FAF1: variants seen among roughly 807,000 people sequenced by gnomAD.
The protein encoded by FAF1 is Fas associated factor 1.
In FAF1, 25 loss-of-function variants were observed where a neutral mutation model predicts 92.5. The observed-to-expected ratio is 0.27, with a 90% CI of 0.20 to 0.38. The LOEUF is 0.38. Among genes scored for constraint, FAF1 ranks in the 10% least tolerant of loss-of-function variants. The probability of loss-of-function intolerance (pLI) is 1.00; values close to 1 mark genes in which losing one functional copy is unlikely to be tolerated. For synonymous variants in FAF1, 234 were observed against 273.2 expected (o/e 0.86, Z 1.42); for missense variants, 636 against 793.3 (o/e 0.80, Z 2.38).
chr1:50,636,031 TG>T (rs1444915423), intron 8 of FAF1, among the ~76,000 whole-genome samples: 2 of 152,140 alleles, frequency 1.3e-5, no homozygotes, highest in African/African-American at 4.8e-5. Flanking sequence ...AGAAATGGCA[TG>T]GTACAAGAGA....
chr1:50,947,017 A>G (rs574191093), intron 1 of FAF1, among the ~76,000 whole-genome samples: 11 of 152,380 alleles, frequency 7.2e-5, no homozygotes, highest in South Asian at 4.1e-4. Context: ...ATGGAGAACC[A>G]TATCACTATA....
At chr1:50,958,355 C>G in intron 1 of FAF1, among the ~76,000 whole-genome samples, 1 of 152,048 alleles carries the variant, frequency 6.6e-6, no homozygotes, top group Non-Finnish European at 1.5e-5. Flanking sequence ...ACAGCAAACT[C>G]TGAAAATGGT....
intron 7 of FAF1, among the ~76,000 whole-genome samples, chr1:50,677,693 G>A (rs1490556802): frequency 1.3e-5 from 2 of 151,942 alleles, no homozygotes; most frequent in Non-Finnish European, 2.9e-5. Context: ...TCAGGAGTTC[G>A]AGACTAGCCT....
chr1:50,768,748 T>C (rs903187259), intron 4 of FAF1, among the ~76,000 whole-genome samples: 2 of 152,056 alleles, frequency 1.3e-5, no homozygotes, highest in African/African-American at 4.8e-5. Context: ...AGATCAAAGA[T>C]GCAATGTAAC....
Position 50,738,884 on chromosome 1 carries a change from G to A in FAF1, c.530C>T (p.Pro177Leu). The A allele has an allele frequency of 6.2e-7, 1 of 1,607,356 alleles. No individual in the cohort carries two copies. The highest frequency in any genetic ancestry group is 8.5e-7 in the Non-Finnish European group (1 of 1,175,388). Reference protein sequence around the residue: ...LYVLTPDLPPPSSSSHAGALQ... With the variant: ...LYVLTPDLPPLSSSSHAGALQ... ...TTACCCAGCATGACTAGATGATGAA[G>A]GTGGTGGCAAATCTGGTGTAAGGAC... The change falls in exon 6 of 19, where the codon CCT becomes CTT. Residue 177 changes from proline (P) to leucine (L), a missense_variant. Pro to Leu is a moderately conservative substitution (Grantham distance 98). This residue lies in a region of FAF1 where 317 missense variants were observed against 342.4 expected (regional missense o/e 0.93). Transcript: ENST00000396153.
intron 15 of FAF1, among the ~76,000 whole-genome samples, chr1:50,523,705 C>T (rs2149031135): frequency 1.3e-5 from 2 of 152,100 alleles, no homozygotes; most frequent in South Asian, 4.2e-4. Context: ...ATATTTTCTT[C>T]CATTCTGTGG....
chr1:50,804,189 G>A, intron 2 of FAF1, among the ~76,000 whole-genome samples: 1 of 152,110 alleles, frequency 6.6e-6, no homozygotes, highest in South Asian at 2.1e-4. Flanking sequence ...TTCTACGTAG[G>A]ACCAAGTATA....
At chr1:50,955,277 A>C (rs1645256417) in intron 1 of FAF1, among the ~76,000 whole-genome samples, 1 of 152,222 alleles carries the variant, frequency 6.6e-6, no homozygotes, top group African/African-American at 2.4e-5. Flanking sequence ...CTTTGTTACA[A>C]AACCATTAAA....
chr1:50,636,834 TTTAAG>T (rs1654036343), intron 8 of FAF1, among the ~76,000 whole-genome samples: 1 of 152,142 alleles, frequency 6.6e-6, no homozygotes, highest in Non-Finnish European at 1.5e-5. Flanking sequence ...AGCTTTTGCA[TTTAAG>T]TCATCTCTGA....
chr1:50,538,061 G>T (rs1648575065), intron 14 of FAF1, among the ~76,000 whole-genome samples: 2 of 151,568 alleles, frequency 1.3e-5, no homozygotes, highest in Non-Finnish European at 2.9e-5. Flanking sequence ...TTGGTTCACT[G>T]AGTTATGCAT....
intron 9 of FAF1, among the ~76,000 whole-genome samples, chr1:50,591,664 C>T (rs1036112366): frequency 8.4e-6 from 1 of 119,036 alleles, no homozygotes; most frequent in Non-Finnish European, 1.7e-5. Context: ...CAGAGCGAGA[C>T]TCCATCTCAG....
intron 1 of FAF1, among the ~76,000 whole-genome samples, chr1:50,945,625 C>T (rs1398321335): frequency 2.0e-5 from 3 of 152,076 alleles, no homozygotes; most frequent in Non-Finnish European, 4.4e-5. Context: ...GAAGACAGGC[C>T]CTTACTAAGG....
At chr1:50,462,653 T>C (rs377699071) in intron 18 of FAF1, among the ~76,000 whole-genome samples, 3 of 152,150 alleles carry the variant, frequency 2.0e-5, no homozygotes, top group Non-Finnish European at 4.4e-5. Context: ...TGGGGCAAAT[T>C]TGCATTGAAC....
At chr1:50,819,740 C>CGTAT (rs3062921) in intron 2 of FAF1, among the ~76,000 whole-genome samples, 10 of 28,012 alleles carry the variant, frequency 3.6e-4, no homozygotes, top group African/African-American at 8.5e-4. Flanking sequence ...CATATATATA[C>CGTAT]ATATATATAT....
At chr1:50,824,589 G>A (rs977894751) in intron 2 of FAF1, among the ~76,000 whole-genome samples, 1 of 152,104 alleles carries the variant, frequency 6.6e-6, no homozygotes, top group Non-Finnish European at 1.5e-5. Flanking sequence ...CAGATTTACT[G>A]TATGATGTAG....
chr1:50,786,553 G>T (rs1343007101), intron 4 of FAF1, among the ~76,000 whole-genome samples: 1 of 152,242 alleles, frequency 6.6e-6, no homozygotes, highest in South Asian at 2.1e-4. Context: ...GAAATATATT[G>T]ACAGGCTAAA....
intron 18 of FAF1, among the ~76,000 whole-genome samples, chr1:50,448,430 G>A (rs572107565): frequency 6.6e-6 from 1 of 152,122 alleles, no homozygotes; most frequent in Non-Finnish European, 1.5e-5. Flanking sequence ...TATAACTCTT[G>A]TTGGGGGAAG....
intron 1 of FAF1, among the ~76,000 whole-genome samples, chr1:50,909,756 T>G (rs1644869435): frequency 6.6e-6 from 1 of 152,226 alleles, no homozygotes; most frequent in Admixed American, 6.5e-5. Context: ...CTACGCTGTT[T>G]ATTCTGGTTA....
At chr1:50,646,156 T>C (rs548347247) in intron 8 of FAF1, among the ~76,000 whole-genome samples, 1 of 152,174 alleles carries the variant, frequency 6.6e-6, no homozygotes, top group South Asian at 2.1e-4. Context: ...AAGTAACATC[T>C]AAATAATAGT....
Sources: allele counts gnomAD v4.1 joint callset (sites outside exome capture counted in the v4.1 genomes callset), GRCh38; gene constraint gnomAD v4.1.1; regional missense constraint gnomAD v4.1.1; transcripts MANE v1.5; gene names NCBI Gene and HGNC (gene_info 2026-07-23, HGNC 2026-07-21).